The following RIMS2 variants were observed in gnomAD, a reference collection of about 807,000 sequenced individuals.
RIMS2 encodes the protein regulating synaptic membrane exocytosis protein 2.
Under a neutral mutation model 174.4 loss-of-function variants are expected in RIMS2, and 59 were observed. The observed-to-expected ratio is 0.34, with a 90% CI of 0.27 to 0.42. The LOEUF is 0.42. Among genes scored for constraint, RIMS2 ranks in the 10% least tolerant of loss-of-function variants. RIMS2 has a pLI of 1.00. For synonymous variants in RIMS2, 606 were observed against 572.5 expected, an observed-to-expected ratio of 1.06 and a Z score of -0.84; for missense variants, 1,620 against 1,666.3, an observed-to-expected ratio of 0.97 and a Z score of 0.48.
At chr8:103,789,747 C>CTTTTTTT in intron 3 of RIMS2, among the ~76,000 whole-genome samples, 3 of 105,572 alleles carry the variant, frequency 2.8e-5, no homozygotes, top group African/African-American at 1.2e-4. Flanking sequence ...ATGGATTGTA[C>CTTTTTTT]TCTTTTTTTT....
intron 3 of RIMS2, among the ~76,000 whole-genome samples, chr8:103,791,403 A>G (rs1372072263): frequency 6.6e-6 from 1 of 152,200 alleles, no homozygotes; most frequent in East Asian, 1.9e-4. Flanking sequence ...CCTGCCTTAC[A>G]AGAGCTCCTG....
At chr8:103,967,072 A>G (rs2092022187) in intron 15 of RIMS2, among the ~76,000 whole-genome samples, 1 of 148,538 alleles carries the variant, frequency 6.7e-6, no homozygotes, top group Non-Finnish European at 1.5e-5. Flanking sequence ...CTAATTTTTG[A>G]TGATGAAGTA....
At position 104,043,450 on chromosome 8, in the gene RIMS2, C is replaced by T. The variant is rs946572210; in HGVS notation, c.3334+28835C>T. 6.0e-5 allele frequency among the ~76,000 whole-genome samples: 9 copies of T among 151,170 alleles called. No homozygotes were observed. The South Asian group carries it at 1.0e-3, about 18-fold the overall frequency. On this transcript the variant is annotated intron_variant, in intron 19 of 23. Coordinates refer to ENST00000504942, the Ensembl canonical transcript of RIMS2. ...TGGATCACAGTTGGAACTTTGTGGG[C>T]GGTTATATAGAAAGAAGAAAAGAAT...
chr8:104,039,026 A>T (rs1597552326), intron 19 of RIMS2, among the ~76,000 whole-genome samples: 1 of 151,820 alleles, frequency 6.6e-6, no homozygotes, highest in Non-Finnish European at 1.5e-5. Flanking sequence ...TTAATCATAT[A>T]AATTTTGTAC....
intron 1 of RIMS2, among the ~76,000 whole-genome samples, chr8:103,547,803 C>T (rs918246336): frequency 3.9e-5 from 6 of 152,100 alleles, no homozygotes; most frequent in African/African-American, 1.4e-4. Context: ...TCCAAATAAA[C>T]ACAATATGAA....
At chr8:103,615,185 CT>C (rs1391269368) in intron 1 of RIMS2, among the ~76,000 whole-genome samples, 1 of 152,158 alleles carries the variant, frequency 6.6e-6, no homozygotes, top group African/African-American at 2.4e-5. Flanking sequence ...ACCAAGCACA[CT>C]GTCAGACCAT....
At chr8:103,710,750 A>G (rs1171869317) in intron 2 of RIMS2, among the ~76,000 whole-genome samples, 1 of 152,168 alleles carries the variant, frequency 6.6e-6, no homozygotes, top group Non-Finnish European at 1.5e-5. Flanking sequence ...TGTAACATGA[A>G]TTTTTTCACT....
At chr8:103,627,139 C>T (rs978734856) in intron 1 of RIMS2, among the ~76,000 whole-genome samples, 1 of 152,142 alleles carries the variant, frequency 6.6e-6, no homozygotes, top group African/African-American at 2.4e-5. Flanking sequence ...AGACCTACCC[C>T]AGGAATGCAT....
chr8:103,969,495 G>A (rs773722810), intron 15 of RIMS2, among the ~76,000 whole-genome samples: 29 of 152,086 alleles, frequency 1.9e-4, no homozygotes, highest in Non-Finnish European at 4.0e-4. Flanking sequence ...GCCCATCAAA[G>A]GCATTCTTCA....
intron 2 of RIMS2, among the ~76,000 whole-genome samples, chr8:103,720,894 A>G (rs902224651): frequency 3.3e-5 from 5 of 152,272 alleles, no homozygotes; most frequent in Non-Finnish European, 5.9e-5. Context: ...CTGATTGCAT[A>G]TTTAGAATAA....
chr8:104,027,710 C>G (rs559391363), intron 19 of RIMS2, among the ~76,000 whole-genome samples: 1 of 152,240 alleles, frequency 6.6e-6, no homozygotes, highest in South Asian at 2.1e-4. Context: ...TTCTCTCATT[C>G]CCAGTATGCT....
intron 16 of RIMS2, among the ~76,000 whole-genome samples, chr8:103,986,897 A>AT (rs2094401510): frequency 2.0e-5 from 3 of 146,826 alleles, no homozygotes; most frequent in Non-Finnish European, 3.1e-5. Flanking sequence ...GTAAAATAAA[A>AT]TTAAAAAAAA....
chr8:104,137,070 A>G (rs934124761), intron 19 of RIMS2, among the ~76,000 whole-genome samples: 17 of 152,196 alleles, frequency 1.1e-4, no homozygotes, highest in African/African-American at 4.1e-4. Context: ...TGCCAGGATT[A>G]TTTTATGAAT....
intron 1 of RIMS2, among the ~76,000 whole-genome samples, chr8:103,554,599 G>T (rs1393617615): frequency 6.6e-6 from 1 of 152,174 alleles, no homozygotes; most frequent in Non-Finnish European, 1.5e-5. Flanking sequence ...ATGTAAATTA[G>T]TTCCGCCATT....
At chr8:103,910,590 C>T in intron 5 of RIMS2, 61 bp downstream of exon 8, 1 of 958,724 alleles carries the variant, frequency 1.0e-6, no homozygotes, top group Non-Finnish European at 1.6e-6. Flanking sequence ...TGCTCTCTGT[C>T]ACTCATTAAA....
intron 19 of RIMS2, among the ~76,000 whole-genome samples, chr8:104,101,474 A>AT (rs1366273124): frequency 5.9e-5 from 9 of 152,040 alleles, no homozygotes; most frequent in African/African-American, 2.2e-4. Flanking sequence ...AATAATTGAA[A>AT]TTTTTTACCA....
At chr8:103,509,631 AG>A (rs1474783240) in intron 1 of RIMS2, among the ~76,000 whole-genome samples, 1 of 152,162 alleles carries the variant, frequency 6.6e-6, no homozygotes, top group East Asian at 1.9e-4. Flanking sequence ...GTATTATAAA[AG>A]GGAGATAAAT....
chr8:103,913,112 A>G (rs2076021184), intron 6 of RIMS2, among the ~76,000 whole-genome samples: 1 of 150,220 alleles, frequency 6.7e-6, no homozygotes, highest in South Asian at 2.1e-4. Context: ...AGCTGTGACT[A>G]TAGGCGCGCA....
chr8:103,570,721 T>C lies in RIMS2; in HGVS notation c.176+69659T>C, dbSNP rs1365549397. ...ACCTGCAAATCTTAAAGATAGCTTGTTCAAAAATAACACATTTATTGAGCA... is the reference window on the plus strand; with the variant it reads ...ACCTGCAAATCTTAAAGATAGCTTGCTCAAAAATAACACATTTATTGAGCA... On this transcript the variant is annotated intron_variant, in intron 1 of 23. Transcript: ENST00000504942. 2.0e-5 allele frequency among the ~76,000 whole-genome samples: 3 copies of C among 152,170 alleles called. No individual in the cohort carries two copies. The South Asian group carries it at 6.2e-4, about 31-fold the overall frequency.
Sources: gnomAD v4.1 joint callset for allele counts (sites outside exome capture counted in the v4.1 genomes callset) on GRCh38, gnomAD v4.1.1 for gene constraint, MANE v1.5 for transcripts, NCBI Gene and HGNC (gene_info 2026-07-23, HGNC 2026-07-21) for gene names.